The following TAFA1 variants were observed in gnomAD, a reference collection of about 807,000 sequenced individuals.
The protein encoded by TAFA1 is chemokine-like protein TAFA-1.
A neutral mutation model predicts 18.5 loss-of-function variants in TAFA1; 4 were observed. The ratio of observed to expected loss-of-function variants is 0.22; its 90% CI spans 0.11 to 0.49. The LOEUF is 0.49. TAFA1 is among the 20% of genes least tolerant of loss of function. The pLI, the probability that TAFA1 is intolerant of heterozygous loss-of-function variation, is 0.98. For synonymous variants in TAFA1, 56 were observed against 55.2 expected (o/e 1.01, Z -0.06); for missense variants, 147 against 169.0 (o/e 0.87, Z 0.72).
chr3:68,035,658 G>A (rs530578378), intron 2 of TAFA1, among the ~76,000 whole-genome samples: 2 of 152,256 alleles, frequency 1.3e-5, no homozygotes, highest in African/African-American at 4.8e-5. Context: ...TTTACTTTAC[G>A]ATGCAGAAAT....
chr3:68,153,740 C>G (rs943939709), intron 2 of TAFA1, among the ~76,000 whole-genome samples: 1 of 152,032 alleles, frequency 6.6e-6, no homozygotes, highest in Admixed American at 6.6e-5. Context: ...TTTCCTTGAG[C>G]GAGAGAACCC....
At chr3:68,062,897 T>C (rs1002997640) in intron 2 of TAFA1, among the ~76,000 whole-genome samples, 16 of 152,182 alleles carry the variant, frequency 1.1e-4, no homozygotes, top group African/African-American at 3.9e-4. Flanking sequence ...TCAAAAGCAA[T>C]TAGCTAAAAG....
rs190455730 is a variant in TAFA1 at position 68,091,095 on chromosome 3, C to A, written c.118+84351C>A. On this transcript the variant is annotated intron_variant, in intron 2 of 4. Coordinates refer to ENST00000478136, the MANE Select transcript of TAFA1 (RefSeq NM_213609.4). ...TTTCGTTGTCTAATGTTGTTCTAAT[C>A]AGCTGGACAATCTTAGCTGAAAGAT... Among the ~76,000 whole-genome samples the A allele has an allele frequency of 1.6e-3, 241 of 152,284 alleles. 1 individual carries two copies. The highest frequency in any genetic ancestry group is 2.5e-3 in the Non-Finnish European group (167 of 68,016).
chr3:68,377,421 A>G (rs563547638), intron 2 of TAFA1, among the ~76,000 whole-genome samples: 2 of 152,352 alleles, frequency 1.3e-5, no homozygotes, highest in South Asian at 2.1e-4. Flanking sequence ...TGCTTTAGCA[A>G]AAAGACTGGC....
At chr3:68,488,538 A>G (rs908741722) in intron 3 of TAFA1, among the ~76,000 whole-genome samples, 3 of 152,200 alleles carry the variant, frequency 2.0e-5, no homozygotes, top group African/African-American at 7.2e-5. Context: ...TGGGACTCTT[A>G]AGGACCAAAA....
At chr3:68,517,597 C>T (rs1036054219) in intron 3 of TAFA1, among the ~76,000 whole-genome samples, 1 of 152,104 alleles carries the variant, frequency 6.6e-6, no homozygotes, top group African/African-American at 2.4e-5. Context: ...GATTTCTGTA[C>T]TGAAGAAAAT....
chr3:67,996,040 TA>T, the TAFA1 span, among the ~76,000 whole-genome samples: 1 of 152,176 alleles, frequency 6.6e-6, no homozygotes, highest in Non-Finnish European at 1.5e-5. Flanking sequence ...TAGTGATAAA[TA>T]AAACAGGAGC....
At chr3:68,031,322 T>C (rs1240857594) in intron 2 of TAFA1, among the ~76,000 whole-genome samples, 1 of 152,208 alleles carries the variant, frequency 6.6e-6, no homozygotes, top group Admixed American at 6.5e-5. Flanking sequence ...CAATCTTATA[T>C]CCCATCTGGG....
At chr3:68,538,561 A>G (rs1575962624) in intron 3 of TAFA1, among the ~76,000 whole-genome samples, 195 bp from the exon 4 acceptor site, 1 of 152,192 alleles carries the variant, frequency 6.6e-6, no homozygotes, top group East Asian at 1.9e-4. Flanking sequence ...AAACCAGTCC[A>G]CATAATTATA....
At chr3:68,416,713 T>G (rs189982578) in intron 2 of TAFA1, among the ~76,000 whole-genome samples, 2 of 152,326 alleles carry the variant, frequency 1.3e-5, no homozygotes, top group Admixed American at 1.3e-4. Context: ...TGAGACATTG[T>G]TTAAAGCACC....
At chr3:68,378,360 T>A (rs966245873) in intron 2 of TAFA1, among the ~76,000 whole-genome samples, 1 of 152,130 alleles carries the variant, frequency 6.6e-6, no homozygotes, top group South Asian at 2.1e-4. Flanking sequence ...GGATTGCAGA[T>A]TTTCATGGGG....
chr3:68,222,254 T>A (rs1234689923), intron 2 of TAFA1, among the ~76,000 whole-genome samples: 1 of 152,164 alleles, frequency 6.6e-6, no homozygotes, highest in Non-Finnish European at 1.5e-5. Flanking sequence ...GTCATTGCCG[T>A]TAGGTTATTG....
In TAFA1 at chr3:68,544,720, G is replaced by T; in HGVS notation, c.*217G>T. 1 of 443,474 alleles carries T rather than the reference G, an allele frequency of 2.3e-6. No individual in the cohort carries two copies. Among genetic ancestry groups the T allele is most frequent in the Non-Finnish European group, 4.0e-6 (1 of 249,880 alleles). The allele number at this position is 443,474 out of a possible 1,614,324, so 27.5% of individuals were successfully genotyped here. On this transcript the variant is annotated 3_prime_UTR_variant, in exon 5 of 5. Coordinates refer to ENST00000478136, the MANE Select transcript of TAFA1 (RefSeq NM_213609.4). ...CCATGGAAAGTGGGCTTAAAAAAGG[G>T]TTTTCTCAGTGAAATTTTTGGGCAT...
At chr3:68,531,915 A>G (rs1299587475) in intron 3 of TAFA1, among the ~76,000 whole-genome samples, 1 of 152,212 alleles carries the variant, frequency 6.6e-6, no homozygotes, top group Non-Finnish European at 1.5e-5. Context: ...AATACCTAAC[A>G]GAGAAACACA....
chr3:68,009,744 T>C (rs1200459058), intron 2 of TAFA1, among the ~76,000 whole-genome samples: 1 of 152,212 alleles, frequency 6.6e-6, no homozygotes, highest in Non-Finnish European at 1.5e-5. Flanking sequence ...AGTCAGACTC[T>C]TTAATACAAT....
At chr3:68,007,160 T>A (rs1252546922) in intron 2 of TAFA1, among the ~76,000 whole-genome samples, 1 of 152,220 alleles carries the variant, frequency 6.6e-6, no homozygotes, top group Non-Finnish European at 1.5e-5. Flanking sequence ...AAGCAAGTTG[T>A]CAATGAAAAA....
chr3:68,178,078 A>C (rs2066148025), intron 2 of TAFA1, among the ~76,000 whole-genome samples: 2 of 152,104 alleles, frequency 1.3e-5, no homozygotes, highest in Non-Finnish European at 2.9e-5. Flanking sequence ...TGGGAGGCGG[A>C]GCTTGCAGTG....
At chr3:68,112,278 A>G (rs1429670124) in intron 2 of TAFA1, among the ~76,000 whole-genome samples, 1 of 152,192 alleles carries the variant, frequency 6.6e-6, no homozygotes, top group Admixed American at 6.5e-5. Flanking sequence ...ACAAATAATT[A>G]GCGAATCGAA....
intron 2 of TAFA1, among the ~76,000 whole-genome samples, chr3:68,325,939 A>G (rs191396255): frequency 4.3e-4 from 65 of 152,324 alleles, no homozygotes; most frequent in African/African-American, 1.2e-3. Flanking sequence ...CAAATTCACA[A>G]TCACTGCTTT....
Sources: gnomAD v4.1 joint callset for allele counts (sites outside exome capture counted in the v4.1 genomes callset) on GRCh38, gnomAD v4.1.1 for gene constraint, MANE v1.5 for transcripts, NCBI Gene and HGNC (gene_info 2026-07-23, HGNC 2026-07-21) for gene names.